The following MYOT variants were observed in gnomAD, a reference collection of about 807,000 sequenced individuals.
MYOT encodes 57 kDa cytoskeletal protein.
In MYOT, 36 loss-of-function variants were observed where a neutral mutation model predicts 58.0. That is an observed-to-expected ratio of 0.62 (90% confidence interval 0.48 to 0.82). MYOT has a LOEUF of 0.82. Among genes scored for constraint, MYOT ranks in the 40% least tolerant of loss-of-function variants. The pLI is 0.00. For missense variants in MYOT, 505 were observed against 592.1 expected, an observed-to-expected ratio of 0.85 and a Z score of 1.53; for synonymous variants, 218 against 204.6, an observed-to-expected ratio of 1.07 and a Z score of -0.56.
chr5:137,879,082 C>T (rs929636210), intron 4 of MYOT, among the ~76,000 whole-genome samples: 14 of 151,928 alleles, frequency 9.2e-5, no homozygotes, highest in African/African-American at 3.1e-4. Context: ...ACTATAGGTG[C>T]GCACACCGTG....
chr5:137,883,245 A>G, intron 6 of MYOT, 139 bp from the exon 7 acceptor site: 15 of 695,356 alleles, frequency 2.2e-5, no homozygotes, highest in Non-Finnish European at 3.6e-5. Context: ...AAAATTATAA[A>G]TACTTTTGAG....
At chr5:137,876,168 C>A in intron 3 of MYOT, 165 bp downstream of exon 3, 1 of 701,314 alleles carries the variant, frequency 1.4e-6, no homozygotes, top group Non-Finnish European at 2.4e-6. Context: ...TGCATGAAAT[C>A]ACCTCTTGGT....
chr5:137,885,350 G>T (rs937888366), intron 7 of MYOT, among the ~76,000 whole-genome samples: 8 of 152,048 alleles, frequency 5.3e-5, no homozygotes, highest in Admixed American at 5.2e-4. Context: ...CTGAGACTCA[G>T]AGAAACTAAA....
chr5:137,881,581 T>C (rs11957898), intron 5 of MYOT, among the ~76,000 whole-genome samples: 26,762 of 152,134 alleles, frequency 0.18, 2,507 homozygotes, highest in African/African-American at 0.2. Context: ...AGAGAATCAC[T>C]TGAACCCAAG....
chr5:137,877,471 C>T (rs1755266996), intron 3 of MYOT, 49 bp from the exon 4 acceptor site: 2 of 1,306,378 alleles, frequency 1.5e-6, no homozygotes, highest in Non-Finnish European at 2.2e-6. Context: ...TAAACCTGTA[C>T]AAACATCTTT....
intron 4 of MYOT, among the ~76,000 whole-genome samples, chr5:137,878,768 A>G (rs1175621744): frequency 6.6e-6 from 1 of 152,102 alleles, no homozygotes; most frequent in African/African-American, 2.4e-5. Flanking sequence ...GGTTGCAGTG[A>G]GCCAAAATCA....
chr5:137,885,402 T>C (rs1462536828), intron 7 of MYOT, among the ~76,000 whole-genome samples: 1 of 151,926 alleles, frequency 6.6e-6, no homozygotes, highest in African/African-American at 2.4e-5. Flanking sequence ...AGCCAATAGG[T>C]AATTTGAACC....
Position 137,880,848 on chromosome 5 carries a change from T to C in MYOT, c.666T>C (p.Val222=), listed in dbSNP as rs748974656. 1 of 1,611,750 alleles carries C rather than the reference T, an allele frequency of 6.2e-7. No homozygotes were observed. Among genetic ancestry groups the C allele is most frequent in the South Asian group, 1.1e-5 (1 of 90,886 alleles). ...ACTCAGAACATGCGCGACTGCAAGT[T>C]CCTACATCACAAGTAAGGTAAAAAA... ...QHNSEHARLQ[V]PTSQVRSRST... is the part of the protein sequence containing the mutation. The change falls in exon 5 of 10, where the codon GTT becomes GTC. Residue 222 remains valine, a synonymous_variant. Coordinates refer to ENST00000239926, the MANE Select transcript of MYOT (RefSeq NM_006790.3).
At chr5:137,884,541 TTA>T (rs1755535878) in intron 7 of MYOT, among the ~76,000 whole-genome samples, 1 of 152,330 alleles carries the variant, frequency 6.6e-6, no homozygotes, top group Admixed American at 6.5e-5. Context: ...TGTCTGGTTT[TTA>T]AATTTTACAC....
intron 2 of MYOT, among the ~76,000 whole-genome samples, chr5:137,873,292 C>A (rs1047751567): frequency 6.6e-6 from 1 of 150,954 alleles, no homozygotes; most frequent in Non-Finnish European, 1.5e-5. Context: ...TTTGGGAGGC[C>A]AAGGTGGATG....
chr5:137,870,263 T>C (rs1180824571), intron 1 of MYOT, among the ~76,000 whole-genome samples, 178 bp from the exon 2 acceptor site: 2 of 148,638 alleles, frequency 1.3e-5, no homozygotes, highest in Admixed American at 1.4e-4. Flanking sequence ...TACAGTGAGC[T>C]ATGTTCGCCT....
chr5:137,870,849 CTCT>C lies in MYOT; in HGVS notation c.199_201del (p.Ser67del). On this transcript the variant is annotated inframe_deletion, in exon 2 of 10. Coordinates refer to ENST00000239926, the MANE Select transcript of MYOT (RefSeq NM_006790.3). ...TGAGCTCTCACATCACCATGTCCTC[CTCT>C]GCTTTCCCTGCTTCTCCCCAGCAGC... The C allele has an allele frequency of 6.2e-7, 1 of 1,614,196 alleles. No individual in the cohort carries two copies. Among genetic ancestry groups the C allele is most frequent in the South Asian group, 1.1e-5 (1 of 91,078 alleles).
chr5:137,884,701 C>T (rs577066523), intron 7 of MYOT, among the ~76,000 whole-genome samples: 21 of 151,934 alleles, frequency 1.4e-4, no homozygotes, highest in Non-Finnish European at 2.4e-4. Flanking sequence ...AAGTATAACG[C>T]TAATATTCTA....
At chr5:137,874,703 G>A (rs1473783996) in intron 2 of MYOT, among the ~76,000 whole-genome samples, 1 of 152,100 alleles carries the variant, frequency 6.6e-6, no homozygotes, top group Non-Finnish European at 1.5e-5. Flanking sequence ...GACTTTATTT[G>A]CTTTTTTCCA....
chr5:137,878,351 G>A (rs1036277288), intron 4 of MYOT, among the ~76,000 whole-genome samples: 1 of 151,726 alleles, frequency 6.6e-6, no homozygotes, highest in Non-Finnish European at 1.5e-5. Flanking sequence ...TCAAGTAGCT[G>A]GGATTACAGG....
At chr5:137,879,212 A>G (rs1219924358) in intron 4 of MYOT, among the ~76,000 whole-genome samples, 1 of 152,162 alleles carries the variant, frequency 6.6e-6, no homozygotes, top group East Asian at 1.9e-4. Context: ...CTGGGATTAC[A>G]GGCATGAGCC....
At chr5:137,885,941 G>A in intron 7 of MYOT, 107 bp from the exon 8 acceptor site, 1 of 719,732 alleles carries the variant, frequency 1.4e-6, no homozygotes, top group Non-Finnish European at 2.3e-6. Context: ...TGTTGCTGTT[G>A]CTTTTTAACA....
chr5:137,873,266 C>T (rs1205672375), intron 2 of MYOT, among the ~76,000 whole-genome samples: 1 of 151,348 alleles, frequency 6.6e-6, no homozygotes, highest in South Asian at 2.1e-4. Context: ...GTGGCTCACA[C>T]CTGTAATCCC....
At chr5:137,886,497 G>A (rs1040807559) in intron 8 of MYOT, among the ~76,000 whole-genome samples, 2 of 152,146 alleles carry the variant, frequency 1.3e-5, no homozygotes, top group African/African-American at 4.8e-5. Flanking sequence ...AAGATTAAAG[G>A]GGGATGTTTT....
Sources: gnomAD v4.1 joint callset for allele counts (sites outside exome capture counted in the v4.1 genomes callset) on GRCh38, gnomAD v4.1.1 for gene constraint, MANE v1.5 for transcripts, NCBI Gene and HGNC (gene_info 2026-07-23, HGNC 2026-07-21) for gene names.